SGCD: variants seen among roughly 807,000 people sequenced by gnomAD.
SGCD encodes the protein delta-sarcoglycan.
SGCD carries 18 observed loss-of-function variants against 36.6 expected under a neutral mutation model. The observed-to-expected ratio is 0.49, with a 90% confidence interval of 0.34 to 0.73. SGCD has a LOEUF of 0.73. Among genes scored for constraint, SGCD ranks in the 30% least tolerant of loss-of-function variants. The pLI is 0.01. For synonymous variants in SGCD, 133 were observed against 130.6 expected, an observed-to-expected ratio of 1.02 and a Z score of -0.12; for missense variants, 387 against 346.7, an observed-to-expected ratio of 1.12 and a Z score of -0.92.
chr5:156,374,984 A>T (rs963753266), intron 3 of SGCD, among the ~76,000 whole-genome samples: 1 of 152,218 alleles, frequency 6.6e-6, no homozygotes, highest in African/African-American at 2.4e-5. Flanking sequence ...CACTCTTCAC[A>T]GTCTTTTTTG....
chr5:156,708,158 T>C (rs1754824143), intron 7 of SGCD, among the ~76,000 whole-genome samples: 1 of 152,174 alleles, frequency 6.6e-6, no homozygotes, highest in South Asian at 2.1e-4. Flanking sequence ...AGCTTCTAGA[T>C]AAAGCATTGT....
At chr5:155,811,592 A>G in the SGCD span, among the ~76,000 whole-genome samples, 1 of 152,218 alleles carries the variant, frequency 6.6e-6, no homozygotes, top group Admixed American at 6.5e-5. Context: ...TTTATGCTAG[A>G]AAGTTATTGT....
At chr5:156,544,166 T>C (rs1360032683) in intron 4 of SGCD, among the ~76,000 whole-genome samples, 7 of 152,142 alleles carry the variant, frequency 4.6e-5, no homozygotes, top group African/African-American at 1.2e-4. Context: ...ATATCAAAGA[T>C]AGGCAAAAAA....
intron 2 of SGCD, among the ~76,000 whole-genome samples, chr5:156,331,247 G>C (rs1159411093): frequency 6.6e-6 from 1 of 152,128 alleles, no homozygotes; most frequent in Non-Finnish European, 1.5e-5. Context: ...ACACAGAAAG[G>C]TCTTCATTAT....
At chr5:156,711,119 A>G (rs1305154800) in intron 7 of SGCD, among the ~76,000 whole-genome samples, 3 of 152,094 alleles carry the variant, frequency 2.0e-5, no homozygotes, top group Non-Finnish European at 4.4e-5. Context: ...AGAAGCATAT[A>G]ATGAGGCAAG....
At chr5:156,429,889 T>C (rs1773855100) in intron 3 of SGCD, among the ~76,000 whole-genome samples, 1 of 152,324 alleles carries the variant, frequency 6.6e-6, no homozygotes, top group East Asian at 1.9e-4. Flanking sequence ...AGAAATCTGC[T>C]TTTAATCTGA....
intron 3 of SGCD, among the ~76,000 whole-genome samples, chr5:156,384,638 G>T (rs75590149): frequency 0.029 from 4,328 of 148,888 alleles, 224 homozygotes; most frequent in East Asian, 0.19. Flanking sequence ...ACAGAGAGAT[G>T]CAATTAAAAA....
intron 1 of SGCD, among the ~76,000 whole-genome samples, chr5:155,927,914 AAT>A (rs1757024437): frequency 6.6e-6 from 1 of 152,026 alleles, no homozygotes; most frequent in South Asian, 2.1e-4. Context: ...CACTTTTTTG[AAT>A]AGTTTCTAAT....
intron 3 of SGCD, among the ~76,000 whole-genome samples, chr5:156,229,300 A>ATATATATATATATATATATAT (rs1477607808): frequency 1.4e-3 from 173 of 125,946 alleles, no homozygotes; most frequent in South Asian, 1.8e-3. Context: ...ATATATATAT[A>ATATATATATATATATATATAT]AAATTAGTTC....
chr5:156,156,137 C>T (rs74947541), intron 3 of SGCD, among the ~76,000 whole-genome samples: 6,795 of 151,688 alleles, frequency 0.045, 250 homozygotes, highest in Non-Finnish European at 0.067. Flanking sequence ...CCTCTCAGAA[C>T]GGCAGATTAT....
At chr5:155,994,198 C>T (rs1758492896) in intron 1 of SGCD, among the ~76,000 whole-genome samples, 1 of 152,162 alleles carries the variant, frequency 6.6e-6, no homozygotes, top group Admixed American at 6.5e-5. Flanking sequence ...AAGGACTTGA[C>T]TTTACATTGT....
At chr5:156,368,624 G>A (rs1770229689) in intron 3 of SGCD, among the ~76,000 whole-genome samples, 1 of 152,176 alleles carries the variant, frequency 6.6e-6, no homozygotes, top group South Asian at 2.1e-4. Flanking sequence ...TGTATTTACA[G>A]CCACTCTCCA....
At chr5:156,746,551 C>A (rs549684358) in intron 7 of SGCD, among the ~76,000 whole-genome samples, 1 of 151,926 alleles carries the variant, frequency 6.6e-6, no homozygotes, top group East Asian at 1.9e-4. Context: ...GATAAATACA[C>A]CAGAGAGTTT....
chr5:156,362,377 G>C (rs1171975667), intron 3 of SGCD, among the ~76,000 whole-genome samples: 1 of 152,208 alleles, frequency 6.6e-6, no homozygotes, highest in Non-Finnish European at 1.5e-5. Context: ...CTGGCACGTG[G>C]TGGCTCATGC....
chr5:156,262,951 A>G (rs544215090), intron 3 of SGCD, among the ~76,000 whole-genome samples: 25 of 152,074 alleles, frequency 1.6e-4, no homozygotes, highest in African/African-American at 6.0e-4. Context: ...ACACACACAT[A>G]TATACACACA....
the SGCD span, among the ~76,000 whole-genome samples, chr5:155,779,955 T>A: frequency 2.6e-5 from 4 of 152,206 alleles, no homozygotes; most frequent in South Asian, 2.1e-4. Flanking sequence ...CTTTTATGAT[T>A]TTCCCATCTA....
At chr5:156,461,166 C>T (rs1177007341) in intron 3 of SGCD, among the ~76,000 whole-genome samples, 1 of 152,106 alleles carries the variant, frequency 6.6e-6, no homozygotes, top group Non-Finnish European at 1.5e-5. Context: ...AGCAACTCTT[C>T]CCCTTTGTAA....
chr5:156,174,147 T>C (rs768534536), intron 3 of SGCD, among the ~76,000 whole-genome samples: 1 of 151,862 alleles, frequency 6.6e-6, no homozygotes, highest in Non-Finnish European at 1.5e-5. Context: ...AGGCAGAAAA[T>C]GAATCTGAGG....
chr5:156,078,291 A>T (rs1760845299), intron 1 of SGCD, among the ~76,000 whole-genome samples: 1 of 151,804 alleles, frequency 6.6e-6, no homozygotes, highest in African/African-American at 2.4e-5. Flanking sequence ...AGGTGGGTGG[A>T]TCACCTGAGG....
Sources: allele counts gnomAD v4.1 joint callset (sites outside exome capture counted in the v4.1 genomes callset), GRCh38; gene constraint gnomAD v4.1.1; transcripts MANE v1.5; gene names NCBI Gene and HGNC (gene_info 2026-07-23, HGNC 2026-07-21).